PARVA: variants seen among roughly 807,000 people sequenced by gnomAD.
PARVA encodes the protein alpha-parvin.
A neutral mutation model predicts 52.6 loss-of-function variants in PARVA; 25 were observed. The ratio of observed to expected loss-of-function variants is 0.48; its 90% CI spans 0.35 to 0.66. The LOEUF (loss-of-function observed/expected upper bound fraction) is 0.66. Ranked by LOEUF, PARVA falls within the 30% of genes least tolerant of loss-of-function variation. The probability of loss-of-function intolerance (pLI) is 0.01; values close to 1 mark genes in which losing one functional copy is unlikely to be tolerated. For synonymous variants in PARVA, 185 were observed against 179.1 expected (o/e 1.03, Z -0.26); for missense variants, 373 against 450.9 (o/e 0.83, Z 1.56).
At chr11:12,504,240 A>C in intron 5 of PARVA, 74 bp from the exon 6 acceptor site, 1 of 811,932 alleles carries the variant, frequency 1.2e-6, no homozygotes, top group Non-Finnish European at 2.1e-6. Flanking sequence ...GTACTACTAC[A>C]CTTTGAACAT....
intron 1 of PARVA, among the ~76,000 whole-genome samples, chr11:12,399,407 T>C (rs1021204501): frequency 2.6e-5 from 4 of 152,234 alleles, no homozygotes; most frequent in Non-Finnish European, 5.9e-5. Flanking sequence ...GTGTAACCTG[T>C]AATTCTCCAC....
chr11:12,463,215 ATTAC>A (rs1182908005), intron 1 of PARVA, among the ~76,000 whole-genome samples: 3 of 152,096 alleles, frequency 2.0e-5, no homozygotes, highest in African/African-American at 7.2e-5. Flanking sequence ...TTAGTGATAT[ATTAC>A]TTTTGTTATA....
chr11:12,513,975 G>A (rs374896515), intron 9 of PARVA, 22 bp from the exon 10 acceptor site: 2 of 1,610,028 alleles, frequency 1.2e-6, no homozygotes, highest in Admixed American at 3.3e-5. Flanking sequence ...CCAGCTTAGG[G>A]CCTGCTTTGC....
chr11:12,406,746 C>G (rs1168742693), intron 1 of PARVA, among the ~76,000 whole-genome samples: 1 of 143,150 alleles, frequency 7.0e-6, no homozygotes, highest in Non-Finnish European at 1.5e-5. Context: ...TCTCGGCTCA[C>G]TGCAAGCTCC....
chr11:12,515,762 G>T (rs1031904654), intron 10 of PARVA, among the ~76,000 whole-genome samples: 1 of 152,152 alleles, frequency 6.6e-6, no homozygotes, highest in Non-Finnish European at 1.5e-5. Flanking sequence ...CTGCTCTCCC[G>T]TGTCCACCTA....
rs567016638 is a variant in PARVA, at chr11:12,381,224, C to T, written c.136+3441C>T. ...GAAGTGATGGTTAGTAGGTGTGGGG[C>T]CCCATTAACCATCACTTCAGTAATA... On this transcript the variant is annotated intron_variant, in intron 1 of 12. Transcript: ENST00000334956. 5.9e-5 allele frequency among the ~76,000 whole-genome samples: 9 copies of T among 152,126 alleles called. 1 individual carries two copies. The South Asian group carries it at 1.7e-3, about 28-fold the overall frequency.
At chr11:12,493,872 T>G (rs959456409) in intron 4 of PARVA, among the ~76,000 whole-genome samples, 5 of 152,308 alleles carry the variant, frequency 3.3e-5, no homozygotes, top group African/African-American at 1.2e-4. Flanking sequence ...GATACTACTG[T>G]CCCAAACTTA....
rs1023322570 is a variant in PARVA, at chr11:12,534,715, G to T, written c.*6790G>T. ...TAAATATTTAATCTGTTACATGTTTGCTCTGTGTGGAGCCAGGGTTGGGGC... is the reference window on the plus strand; with the variant it reads ...TAAATATTTAATCTGTTACATGTTTTCTCTGTGTGGAGCCAGGGTTGGGGC... On this transcript the variant is annotated 3_prime_UTR_variant, in exon 13 of 13. Coordinates refer to ENST00000334956, the MANE Select transcript of PARVA (RefSeq NM_018222.5). Among the ~76,000 whole-genome samples, 1 of 152,178 alleles carries T rather than the reference G, an allele frequency of 6.6e-6. No homozygotes were observed. Among genetic ancestry groups the T allele is most frequent in the Non-Finnish European group, 1.5e-5 (1 of 68,030 alleles).
In PARVA at chr11:12,499,704, T is replaced by C. The variant is rs1185639776; in HGVS notation, c.541+3106T>C. 2.6e-5 allele frequency among the ~76,000 whole-genome samples: 4 copies of C among 152,100 alleles called. No individual in the cohort carries two copies. In the East Asian group the frequency reaches 7.7e-4, roughly 29 times the overall value. ...GTAAACTTCATGAGGGCAGGGACTT[T>C]TGTCTTTTCACTGCCCACCTAGAGA... is the stretch of plus-strand genomic sequence containing the variant. On this transcript the variant is annotated intron_variant, in intron 5 of 12. Coordinates refer to ENST00000334956, the MANE Select transcript of PARVA (RefSeq NM_018222.5).
chr11:12,494,323 A>G (rs990322603), intron 4 of PARVA, among the ~76,000 whole-genome samples: 4 of 151,980 alleles, frequency 2.6e-5, no homozygotes, highest in Non-Finnish European at 2.9e-5. Flanking sequence ...CCCCTTTCTC[A>G]TGGGTCGGGG....
intron 1 of PARVA, among the ~76,000 whole-genome samples, chr11:12,416,347 T>C (rs1439949461): frequency 6.6e-6 from 1 of 152,112 alleles, no homozygotes; most frequent in Admixed American, 6.5e-5. Context: ...ATTCAAACTG[T>C]CCCTAGCGGT....
intron 1 of PARVA, among the ~76,000 whole-genome samples, chr11:12,396,212 A>G (rs778419336): frequency 2.0e-5 from 3 of 150,584 alleles, no homozygotes; most frequent in Admixed American, 6.6e-5. Flanking sequence ...TCTTCATACC[A>G]AAGTCTAACT....
intron 1 of PARVA, among the ~76,000 whole-genome samples, chr11:12,408,359 T>C (rs1289006054): frequency 6.6e-6 from 1 of 152,178 alleles, no homozygotes; most frequent in Admixed American, 6.5e-5. Context: ...GCCCTCTCGG[T>C]TGGCTGAGCT....
intron 3 of PARVA, 58 bp downstream of exon 3, chr11:12,474,041 G>A (rs1940971339): frequency 7.4e-7 from 1 of 1,351,082 alleles, no homozygotes; most frequent in Admixed American, 2.0e-5. Context: ...GTGTCCATAT[G>A]CCACCTGCTC....
At chr11:12,376,831 T>G, upstream of PARVA, 4 of 557,284 alleles carry the variant, frequency 7.2e-6, no homozygotes, top group Non-Finnish European at 9.1e-6. Context: ...ATGAGTCTGG[T>G]TGTCACTCTC....
upstream of PARVA, chr11:12,377,229 T>C (rs1939403457): frequency 2.8e-6 from 1 of 351,090 alleles, no homozygotes; most frequent in African/African-American, 2.1e-5. Context: ...AGCCGCCGGC[T>C]GGAAGACCCC....
chr11:12,389,575 T>G (rs1939627749), intron 1 of PARVA, among the ~76,000 whole-genome samples: 1 of 152,134 alleles, frequency 6.6e-6, no homozygotes, highest in South Asian at 2.1e-4. Context: ...GGTGGAACTC[T>G]TAGGAGACAT....
chr11:12,521,703 G>T (rs1302672237), intron 12 of PARVA, among the ~76,000 whole-genome samples: 2 of 152,150 alleles, frequency 1.3e-5, no homozygotes, highest in African/African-American at 2.4e-5. Flanking sequence ...CATCACAGGG[G>T]TCCTTATTAT....
intron 12 of PARVA, among the ~76,000 whole-genome samples, chr11:12,525,645 G>A (rs1023896151): frequency 6.6e-6 from 1 of 152,182 alleles, no homozygotes; most frequent in Admixed American, 6.5e-5. Context: ...CTGGCAGAAG[G>A]TGATTCAGGG....
Sources: gnomAD v4.1 joint callset for allele counts (sites outside exome capture counted in the v4.1 genomes callset) on GRCh38, gnomAD v4.1.1 for gene constraint, MANE v1.5 for transcripts, NCBI Gene and HGNC (gene_info 2026-07-23, HGNC 2026-07-21) for gene names.